ZNF385D: variants seen among roughly 807,000 people sequenced by gnomAD.
ZNF385D encodes the protein zinc finger protein 385D, also known as zinc finger protein 659.
A neutral mutation model predicts 35.8 loss-of-function variants in ZNF385D; 15 were observed. The observed-to-expected ratio is 0.42, with a 90% CI of 0.28 to 0.64. The LOEUF is 0.64. ZNF385D is among the 30% of genes least tolerant of loss of function. ZNF385D has a pLI of 0.23. For missense variants in ZNF385D, 474 were observed against 494.6 expected, an observed-to-expected ratio of 0.96 and a Z score of 0.39; for synonymous variants, 212 against 186.8, an observed-to-expected ratio of 1.13 and a Z score of -1.10.
chr3:21,889,988 T>TAA (rs950480629), intron 3 of ZNF385D, among the ~76,000 whole-genome samples: 1 of 152,138 alleles, frequency 6.6e-6, no homozygotes, highest in African/African-American at 2.4e-5. Context: ...CCCCTTTTTA[T>TAA]AAAGACACTA....
chr3:21,572,065 TG>T (rs1383074330), intron 2 of ZNF385D, among the ~76,000 whole-genome samples: 2 of 152,196 alleles, frequency 1.3e-5, no homozygotes, highest in African/African-American at 4.8e-5. Context: ...ATGACATTAC[TG>T]GGCTCAAAGC....
intron 2 of ZNF385D, among the ~76,000 whole-genome samples, chr3:21,571,256 G>A (rs556228319): frequency 6.6e-6 from 1 of 152,066 alleles, no homozygotes; most frequent in South Asian, 2.1e-4. Flanking sequence ...TTTGTGTCTG[G>A]CTTCTTTCAT....
intron 3 of ZNF385D, among the ~76,000 whole-genome samples, chr3:21,771,748 A>C (rs1387854180): frequency 6.6e-6 from 1 of 151,940 alleles, no homozygotes. Flanking sequence ...AATGGTTAAT[A>C]AACTAAGTAA....
chr3:22,196,107 T>C (rs1182941821), intron 2 of ZNF385D, among the ~76,000 whole-genome samples: 1 of 152,016 alleles, frequency 6.6e-6, no homozygotes, highest in African/African-American at 2.4e-5. Context: ...AAATACTGTG[T>C]ACAATGAACC....
At chr3:21,787,944 C>CAAAAAAAAAAAAAAAAAAAAAAA (rs560982379) in intron 3 of ZNF385D, among the ~76,000 whole-genome samples, 7 of 75,378 alleles carry the variant, frequency 9.3e-5, no homozygotes, top group South Asian at 5.9e-4. Context: ...TTCGTCTCAA[C>CAAAAAAAAAAAAAAAAAAAAAAA]AAAAAAAAAA....
intron 2 of ZNF385D, among the ~76,000 whole-genome samples, chr3:22,252,160 T>C (rs530582998): frequency 6.6e-6 from 1 of 152,092 alleles, no homozygotes; most frequent in Admixed American, 6.6e-5. Context: ...TGTGATAATA[T>C]TATTTGCCTC....
chr3:22,228,397 C>T lies in ZNF385D; in HGVS notation c.107-59362G>A, dbSNP rs913363431. ...CCCCCCATGCAGCAGCCAAGCCCACCCAAACTGAGGAAACCTGGAGAGACC... is the reference window on the plus strand; with the variant it reads ...CCCCCCATGCAGCAGCCAAGCCCACTCAAACTGAGGAAACCTGGAGAGACC... On this transcript the variant is annotated intron_variant, in intron 2 of 5. Transcript: ENST00000494108. Among the ~76,000 whole-genome samples the T allele has an allele frequency of 3.9e-5, 6 of 152,102 alleles. No homozygotes were observed. The South Asian group carries it at 1.2e-3, about 32-fold the overall frequency.
intron 2 of ZNF385D, among the ~76,000 whole-genome samples, chr3:22,169,341 T>C (rs1205817741): frequency 6.6e-6 from 1 of 152,172 alleles, no homozygotes; most frequent in Non-Finnish European, 1.5e-5. Flanking sequence ...CTGAGGAAAC[T>C]AAGTTTTAGA....
intron 2 of ZNF385D, among the ~76,000 whole-genome samples, chr3:22,234,123 C>G (rs1038198364): frequency 2.0e-5 from 3 of 152,118 alleles, no homozygotes; most frequent in Non-Finnish European, 2.9e-5. Flanking sequence ...CAAACCACCA[C>G]TAGGTAAGTA....
chr3:22,229,305 C>T lies in ZNF385D; in HGVS notation c.107-60270G>A, dbSNP rs116064202. Among the ~76,000 whole-genome samples the T allele has an allele frequency of 1.3e-3, 199 of 152,294 alleles. 1 individual carries two copies. Among genetic ancestry groups the T allele is most frequent in the African/African-American group, 4.5e-3 (189 of 41,574 alleles). On this transcript the variant is annotated intron_variant, in intron 2 of 5. Coordinates refer to the ZNF385D transcript ENST00000494108. ...TGGCCACTTATTTGTGAGAGGTCCT[C>T]CACTGGATTAACTCTGGGATGCCAC...
chr3:21,911,066 A>G (rs1699938301), intron 3 of ZNF385D, among the ~76,000 whole-genome samples: 1 of 151,832 alleles, frequency 6.6e-6, no homozygotes, highest in Non-Finnish European at 1.5e-5. Context: ...GGGGAAAGAG[A>G]ATATCTATGT....
chr3:21,599,791 G>C (rs1251227665), intron 2 of ZNF385D, among the ~76,000 whole-genome samples: 1 of 152,202 alleles, frequency 6.6e-6, no homozygotes, highest in African/African-American at 2.4e-5. Context: ...AGACTGGACT[G>C]CACTGGCAGA....
At chr3:22,083,381 A>G (rs1700859984) in intron 3 of ZNF385D, among the ~76,000 whole-genome samples, 2 of 152,120 alleles carry the variant, frequency 1.3e-5, no homozygotes, top group African/African-American at 4.8e-5. Context: ...CATAGAGAAG[A>G]CCTTAAATGA....
At chr3:22,155,379 T>G (rs1705520030) in intron 3 of ZNF385D, among the ~76,000 whole-genome samples, 1 of 152,078 alleles carries the variant, frequency 6.6e-6, no homozygotes, top group African/African-American at 2.4e-5. Context: ...TATTATATAC[T>G]CTTAAGATTT....
chr3:22,228,927 G>A (rs1482895449), intron 2 of ZNF385D, among the ~76,000 whole-genome samples: 2 of 152,226 alleles, frequency 1.3e-5, no homozygotes, highest in African/African-American at 4.8e-5. Flanking sequence ...TGTTTGCCCA[G>A]GAGCTCTTAG....
At chr3:21,694,284 C>G (rs1035075802) in intron 1 of ZNF385D, among the ~76,000 whole-genome samples, 12 of 152,088 alleles carry the variant, frequency 7.9e-5, no homozygotes, top group African/African-American at 2.9e-4. Context: ...ATCCACCCAC[C>G]TTGGCCTCCC....
intron 3 of ZNF385D, among the ~76,000 whole-genome samples, chr3:21,819,668 T>C (rs2073309317): frequency 6.8e-6 from 1 of 146,756 alleles, no homozygotes; most frequent in Non-Finnish European, 1.5e-5. Flanking sequence ...TGTGTATTAA[T>C]TATATATAAT....
chr3:21,613,681 C>T (rs1242274802), intron 2 of ZNF385D, among the ~76,000 whole-genome samples: 2 of 152,132 alleles, frequency 1.3e-5, no homozygotes, highest in Non-Finnish European at 2.9e-5. Context: ...AATAGGTACA[C>T]TTGTGTTATT....
intron 3 of ZNF385D, among the ~76,000 whole-genome samples, chr3:21,866,590 G>A (rs148823414): frequency 6.6e-6 from 1 of 152,192 alleles, no homozygotes; most frequent in East Asian, 1.9e-4. Flanking sequence ...TTCTGATTCA[G>A]TAGGTATGGG....
Sources: gnomAD v4.1 joint callset for allele counts (sites outside exome capture counted in the v4.1 genomes callset) on GRCh38, gnomAD v4.1.1 for gene constraint, MANE v1.5 for transcripts, NCBI Gene and HGNC (gene_info 2026-07-23, HGNC 2026-07-21) for gene names.